Variants in SYT16 observed in about 807,000 individuals in gnomAD.
The protein encoded by SYT16 is synaptotagmin-16.
Under a neutral mutation model 61.4 loss-of-function variants are expected in SYT16, and 42 were observed. The observed-to-expected ratio is 0.68, with a 90% CI of 0.53 to 0.89. The LOEUF (loss-of-function observed/expected upper bound fraction) is 0.89, where lower values mean the gene tolerates loss of function less well. Ranked by LOEUF, SYT16 falls within the 40% of genes least tolerant of loss-of-function variation. The pLI, the probability that SYT16 is intolerant of heterozygous loss-of-function variation, is 0.00. For synonymous variants in SYT16, 314 were observed against 302.3 expected (o/e 1.04, Z -0.40); for missense variants, 804 against 807.3 (o/e 1.00, Z 0.05).
intron 1 of SYT16, among the ~76,000 whole-genome samples, chr14:61,822,190 C>A (rs919053198): frequency 6.6e-6 from 1 of 152,318 alleles, no homozygotes; most frequent in East Asian, 1.9e-4. Context: ...CCTCTAGGAG[C>A]TTGCTGGTAC....
intron 3 of SYT16, among the ~76,000 whole-genome samples, chr14:62,018,659 C>T (rs140235276): frequency 0.01 from 1,527 of 152,162 alleles, 21 homozygotes; most frequent in African/African-American, 0.035. Flanking sequence ...TAGCTGTTTC[C>T]CCTATCTGGA....
At position 62,024,168 on chromosome 14, in the gene SYT16, A is replaced by G. The variant is rs28555155; in HGVS notation, c.523+27626A>G. On this transcript the variant is annotated intron_variant, in intron 3 of 7. Coordinates refer to ENST00000683842, the MANE Select transcript of SYT16 (RefSeq NM_001367656.1). ...GACTTAATGAAAAATTTTGTATATAATATTTGGACAAAGGTGGAAGAGAAT... is the reference window on the plus strand; with the variant it reads ...GACTTAATGAAAAATTTTGTATATAGTATTTGGACAAAGGTGGAAGAGAAT... Among the ~76,000 whole-genome samples the G allele has an allele frequency of 2.9e-3, 449 of 152,258 alleles. 4 individuals are homozygous for G. The highest frequency in any genetic ancestry group is 0.01 in the African/African-American group (426 of 41,570).
chr14:61,833,290 C>T lies in SYT16; in HGVS notation c.-325+20480C>T, dbSNP rs76790522. 0.019 allele frequency among the ~76,000 whole-genome samples: 2,666 copies of T among 143,842 alleles called. 182 individuals carry two copies. The East Asian group carries it at 0.26, about 14-fold the overall frequency. 94.4% of individuals were successfully genotyped at this position (143,842 alleles called of 152,430 possible). On this transcript the variant is annotated intron_variant, in intron 1 of 7. Transcript: ENST00000683842. ...CATGGCTCATGGGTGGCTTTTTTTTCTTTTCTTTTTTTTTTTTTTGAGACG... is the reference window on the plus strand; with the variant it reads ...CATGGCTCATGGGTGGCTTTTTTTTTTTTTCTTTTTTTTTTTTTTGAGACG...
chr14:62,036,882 C>T (rs1017114841), intron 3 of SYT16, among the ~76,000 whole-genome samples: 22 of 152,122 alleles, frequency 1.4e-4, no homozygotes, highest in Non-Finnish European at 3.1e-4. Flanking sequence ...CAAGTGCTCA[C>T]AGTAGATTCC....
At chr14:61,899,689 T>C (rs1025557320) in intron 1 of SYT16, among the ~76,000 whole-genome samples, 10 of 152,204 alleles carry the variant, frequency 6.6e-5, no homozygotes, top group Admixed American at 2.0e-4. Context: ...GTCTCTGTCT[T>C]AGGCAGCGCC....
chr14:61,892,275 T>C (rs925765671), intron 1 of SYT16, among the ~76,000 whole-genome samples: 3 of 152,018 alleles, frequency 2.0e-5, no homozygotes, highest in Non-Finnish European at 4.4e-5. Context: ...CTAATCTCTC[T>C]TTCCATCCCC....
At chr14:61,946,299 A>G (rs1020054611) in intron 1 of SYT16, among the ~76,000 whole-genome samples, 3 of 152,232 alleles carry the variant, frequency 2.0e-5, no homozygotes, top group African/African-American at 4.8e-5. Flanking sequence ...CAGAAAGTCA[A>G]ATACTGCATG....
At chr14:61,932,160 C>A (rs1157042682) in intron 1 of SYT16, among the ~76,000 whole-genome samples, 1 of 152,200 alleles carries the variant, frequency 6.6e-6, no homozygotes, top group Non-Finnish European at 1.5e-5. Context: ...AACCGAGATA[C>A]CCTCTTACCA....
chr14:62,043,489 A>G (rs548729373), intron 3 of SYT16, among the ~76,000 whole-genome samples: 3 of 148,492 alleles, frequency 2.0e-5, no homozygotes, highest in East Asian at 2.0e-4. Flanking sequence ...CACACTGCAA[A>G]CTCCGCCTCC....
intron 3 of SYT16, among the ~76,000 whole-genome samples, chr14:62,010,590 C>T (rs146052399): frequency 6.6e-6 from 1 of 152,136 alleles, no homozygotes; most frequent in Non-Finnish European, 1.5e-5. Context: ...TCTGGAATTT[C>T]TGCTATCCTA....
intron 1 of SYT16, among the ~76,000 whole-genome samples, chr14:61,842,530 T>C (rs2046327051): frequency 6.6e-6 from 1 of 152,190 alleles, no homozygotes; most frequent in Non-Finnish European, 1.5e-5. Flanking sequence ...GGCTGAATAG[T>C]ACTCTATTGT....
At chr14:61,990,085 A>G (rs968299873) in intron 2 of SYT16, among the ~76,000 whole-genome samples, 8 of 152,154 alleles carry the variant, frequency 5.3e-5, no homozygotes, top group Admixed American at 4.6e-4. Context: ...CACATAAGAA[A>G]TTTGCTCTTA....
At chr14:61,965,946 T>C (rs1421842149) in intron 1 of SYT16, among the ~76,000 whole-genome samples, 1 of 152,126 alleles carries the variant, frequency 6.6e-6, no homozygotes, top group Non-Finnish European at 1.5e-5. Flanking sequence ...AAGCTTCTAG[T>C]AGCATACAGA....
intron 1 of SYT16, among the ~76,000 whole-genome samples, chr14:61,941,968 AT>A (rs1455148341): frequency 2.0e-5 from 3 of 152,254 alleles, no homozygotes; most frequent in Admixed American, 6.5e-5. Context: ...ATATAAAAAA[AT>A]ATTACTCATC....
At chr14:62,005,757 G>A (rs775853392) in intron 3 of SYT16, among the ~76,000 whole-genome samples, 3 of 152,146 alleles carry the variant, frequency 2.0e-5, no homozygotes, top group Admixed American at 1.3e-4. Flanking sequence ...CACCTACCAC[G>A]TACAAAACAT....
intron 3 of SYT16, among the ~76,000 whole-genome samples, chr14:62,001,191 C>T (rs79667142): frequency 5.9e-5 from 9 of 151,878 alleles, no homozygotes; most frequent in African/African-American, 1.5e-4. Context: ...TTGAAAAATG[C>T]GTGACATTTA....
chr14:61,916,936 C>T (rs186579634), intron 1 of SYT16, among the ~76,000 whole-genome samples: 1 of 152,048 alleles, frequency 6.6e-6, no homozygotes, highest in Non-Finnish European at 1.5e-5. Context: ...CTTTTTTTAA[C>T]CAAATAGTAT....
chr14:61,911,173 G>A (rs1051261964), intron 1 of SYT16, among the ~76,000 whole-genome samples: 1 of 152,062 alleles, frequency 6.6e-6, no homozygotes, highest in African/African-American at 2.4e-5. Context: ...GTATTTCCTA[G>A]GATTCCAACT....
chr14:62,022,468 A>C (rs1017598339), intron 3 of SYT16, among the ~76,000 whole-genome samples: 1 of 152,052 alleles, frequency 6.6e-6, no homozygotes, highest in African/African-American at 2.4e-5. Context: ...TTTCTTAAGC[A>C]GTTTTACCAT....
Sources: gnomAD v4.1 joint callset for allele counts (sites outside exome capture counted in the v4.1 genomes callset) on GRCh38, gnomAD v4.1.1 for gene constraint, MANE v1.5 for transcripts, NCBI Gene and HGNC (gene_info 2026-07-23, HGNC 2026-07-21) for gene names.